The following LAMA5 variants were observed in gnomAD, a reference collection of about 807,000 sequenced individuals.
The protein encoded by LAMA5 is laminin subunit alpha 5, also known as laminin subunit alpha-5.
LAMA5 carries 260 observed loss-of-function variants against 433.4 expected under a neutral mutation model. The observed-to-expected ratio is 0.60, with a 90% confidence interval of 0.54 to 0.66. LAMA5 has a LOEUF of 0.66. LAMA5 is among the 30% of genes least tolerant of loss of function. The pLI, the probability that LAMA5 is intolerant of heterozygous loss-of-function variation, is 0.00. For synonymous variants in LAMA5, 2,620 were observed against 2,226.6 expected (o/e 1.18, Z -4.97); for missense variants, 5,378 against 5,258.5 (o/e 1.02, Z -0.70).
At position 62,314,929 on chromosome 20, in the gene LAMA5, G is replaced by A. The variant is rs147702216; in HGVS notation, c.8066C>T (p.Thr2689Met). 74 of 1,603,702 alleles carry A rather than the reference G, an allele frequency of 4.6e-5. No individual in the cohort carries two copies. In the African/African-American group the frequency reaches 6.5e-4, roughly 14 times the overall value. Residue 2689 changes from threonine to methionine, a missense_variant, in exon 60 of 80, where the codon ACG (threonine) becomes ATG (methionine). Physicochemically the swap from Thr to Met is moderately conservative, Grantham distance 81. Transcript: ENST00000252999. ...AGHSVSTLEK[T>M]LPQLLAKLSI... ...CAGCTTGGCCAGCAGCTGGGGCAGC[G>A]TCTTCTCCAGGGTGGACACTGCAGA...
chr20:62,319,015 T>C lies in LAMA5; in HGVS notation c.6872-2A>G. The C allele has an allele frequency of 6.4e-7, 1 of 1,570,736 alleles. No individual in the cohort carries two copies. The highest frequency in any genetic ancestry group is 8.6e-7 in the Non-Finnish European group (1 of 1,160,508). The stretch of plus-strand genomic sequence containing the variant: ...GGTGGCCCGTCTGGGACATGAGCTC[T>C]GTGGGGCAGGGGTTCGTCAGAGCCT... On this transcript the variant is annotated splice_acceptor_variant, in intron 51 of 79. Transcript: ENST00000252999. LOFTEE classifies it high-confidence loss of function.
chr20:62,335,072 A>G lies in LAMA5; in HGVS notation c.2431T>C (p.Cys811Arg), dbSNP rs1981317805. The G allele has an allele frequency of 6.2e-7, 1 of 1,612,900 alleles. No individual in the cohort carries two copies. Among genetic ancestry groups the G allele is most frequent in the Non-Finnish European group, 8.5e-7 (1 of 1,179,714 alleles). Residue 811 changes from cysteine (C) to arginine (R), a missense_variant, in exon 20 of 80, where the codon TGC becomes CGC. Transcript: ENST00000252999. The stretch of plus-strand genomic sequence containing the variant: ...TCCAGTCCAAAGAAGCCATCCTTGC[A>G]GGACGCGCAGGCCTGGCCGCACACG... ...PHVCGQACAS[C>R]KDGFFGLDQA...
chr20:62,318,631 C>T lies in LAMA5; in HGVS notation c.7062G>A (p.Glu2354=). Residue 2354 remains glutamate, a synonymous_variant, in exon 53 of 80, where the codon GAG becomes GAA. Transcript: ENST00000252999. ...TCTCCTCCCAGAGGCTGCTCAGCTG[C>T]TCCTGCACCCGGGCCAGCACTAGCC... The part of the protein sequence containing the change: ...AAQRLLARVQ[E]QLSSLWEENQ... The T allele has an allele frequency of 1.2e-6, 2 of 1,610,476 alleles. No individual in the cohort carries two copies. The highest frequency in any genetic ancestry group is 1.7e-6 in the Non-Finnish European group (2 of 1,178,954).
chr20:62,336,495 C>A (rs774601144), intron 17 of LAMA5, 50 bp from the exon 18 acceptor site: 2 of 1,494,714 alleles, frequency 1.3e-6, no homozygotes, highest in Admixed American at 3.5e-5. Context: ...GCTCTCCCAC[C>A]CACAAACCAT....
Position 62,310,409 on chromosome 20 carries a change from A to T in LAMA5, c.10600+10T>A. 1 of 1,592,590 alleles carries T rather than the reference A, an allele frequency of 6.3e-7. No individual in the cohort carries two copies. Among genetic ancestry groups the T allele is most frequent in the Non-Finnish European group, 8.5e-7 (1 of 1,172,136 alleles). ...CCCTGCTGAGGCCTGGGATGCCAGCACCCACAGACCTAAAGTGATAACTCC... is the reference window on the plus strand; with the variant it reads ...CCCTGCTGAGGCCTGGGATGCCAGCTCCCACAGACCTAAAGTGATAACTCC... On this transcript the variant is annotated intron_variant, in intron 76 of 79. Coordinates refer to ENST00000252999, the MANE Select transcript of LAMA5 (RefSeq NM_005560.6).
Position 62,313,685 on chromosome 20 carries a change from G to A in LAMA5, c.8622C>T (p.Phe2874=), listed in dbSNP as rs141347564. Residue 2874 remains phenylalanine, a synonymous_variant, in exon 63 of 80, where the codon TTC becomes TTT. Transcript: ENST00000252999. ...EGLLNLRPDD[F]VFYVGGYPST... ...TGGGGTACCCCCCGACGTAGAAGACGAAGTCGTCTGGCCGCAGGTTGAGCA... is the reference window on the plus strand; with the variant it reads ...TGGGGTACCCCCCGACGTAGAAGACAAAGTCGTCTGGCCGCAGGTTGAGCA... The A allele has an allele frequency of 3.6e-4, 586 of 1,612,822 alleles. 1 individual carries two copies. The highest frequency in any genetic ancestry group is 4.6e-4 in the Non-Finnish European group (541 of 1,179,958).
chr20:62,318,927 C>G lies in LAMA5; in HGVS notation c.6958G>C (p.Glu2320Gln). 1 of 1,600,944 alleles carries G rather than the reference C, an allele frequency of 6.2e-7. No homozygotes were observed. Among genetic ancestry groups the G allele is most frequent in the Non-Finnish European group, 8.5e-7 (1 of 1,176,130 alleles). The stretch of plus-strand genomic sequence containing the variant: ...GCCCGCATCTCCCAGAGCAGCCGCT[C>G]CACCTCGGCCAGTGTCCGGAGCAGC... ...EQLLRTLAEV[E>Q]RLLWEMRARD... is the part of the protein sequence containing the mutation. Residue 2320 changes from glutamate (E) to glutamine (Q), a missense_variant, in exon 52 of 80, where the codon GAG becomes CAG. Transcript: ENST00000252999.
chr20:62,367,168 C>A lies in LAMA5; in HGVS notation c.78G>T (p.Gly26=). The A allele has an allele frequency of 8.0e-7, 1 of 1,249,840 alleles. No homozygotes were observed. Among genetic ancestry groups the A allele is most frequent in the Non-Finnish European group, 1.0e-6 (1 of 1,000,696 alleles). The allele number at this position is 1,249,840 out of a possible 1,614,324, so 77.4% of individuals were successfully genotyped here. ...CCCGCGCCGCGCCCAGCAGCGCCAG[C>A]CCGACCAGCAGCAGCGGCGCGGGGC... ...PRGPAPLLLV[G]LALLGAARAR... Residue 26 remains glycine (G), a synonymous_variant, in exon 1 of 80, where the codon GGG becomes GGT. Transcript: ENST00000252999.
At chr20:62,365,900 T>G in intron 1 of LAMA5, among the ~76,000 whole-genome samples, 1 of 150,464 alleles carries the variant, frequency 6.6e-6, no homozygotes. Flanking sequence ...GCCAAGGGGG[T>G]GGGGCAGGCA....
Position 62,322,080 on chromosome 20 carries a change from G to C in LAMA5, c.6435C>G (p.Cys2145Trp). 1.9e-6 allele frequency: 3 copies of C among 1,601,132 alleles called. No individual in the cohort carries two copies. Among genetic ancestry groups the C allele is most frequent in the Non-Finnish European group, 2.5e-6 (3 of 1,179,302 alleles). The change falls in exon 48 of 80, where the codon TGC becomes TGG. Residue 2145 changes from cysteine to tryptophan, a missense_variant. By Grantham distance (215) the Cys-to-Trp change is radical (BLOSUM62 -2). Coordinates refer to ENST00000252999, the MANE Select transcript of LAMA5 (RefSeq NM_005560.6). ...GAACAGGCACCTGATGCTGCTGGCT[G>C]CAGGTGTCGCAGCGCTCCCCGCTGA... Reference protein sequence around the residue: ...PGLSGERCDTCSQQHQVPVPG... With the variant: ...PGLSGERCDTWSQQHQVPVPG...
intron 17 of LAMA5, 51 bp downstream of exon 17, chr20:62,336,683 C>A (rs759908675): frequency 4.4e-6 from 7 of 1,603,780 alleles, no homozygotes; most frequent in Non-Finnish European, 5.1e-6. Context: ...GGACTTTTAG[C>A]TTGGCCTGGG....
chr20:62,330,969 C>A, intron 29 of LAMA5, 25 bp from the exon 30 acceptor site: 1 of 1,556,678 alleles, frequency 6.4e-7, no homozygotes, highest in South Asian at 1.2e-5. Flanking sequence ...GTGGGTGAGT[C>A]AGAGCCGGCC....
intron 2 of LAMA5, chr20:62,355,461 AC>A (rs1985047506): frequency 6.6e-6 from 1 of 152,482 alleles, no homozygotes; most frequent in Admixed American, 6.5e-5. Flanking sequence ...CCTTGGGGGC[AC>A]CAGCTGCCCA....
chr20:62,322,226 T>TC, intron 47 of LAMA5, 43 bp downstream of exon 47: 3 of 1,561,778 alleles, frequency 1.9e-6, no homozygotes, highest in Middle Eastern at 3.4e-4. Context: ...CGTACCCCAC[T>TC]CAGAAGTCCC....
At chr20:62,357,292 C>T (rs911018474) in intron 2 of LAMA5, among the ~76,000 whole-genome samples, 4 of 152,192 alleles carry the variant, frequency 2.6e-5, no homozygotes, top group African/African-American at 9.7e-5. Flanking sequence ...GGAAGAAGGG[C>T]GTTGTGCCAA....
rs1986802407 is a variant in LAMA5, at chr20:62,315,114, T to C, written c.7961A>G (p.Gln2654Arg). ...TRVQSQLQAM[Q>R]ENVERWQGQY... The stretch of plus-strand genomic sequence containing the variant: ...GCCCTGCCACCGCTCCACATTCTCC[T>C]GCATGGCCTGCAGCTGGGACTGCAC... Residue 2654 changes from glutamine (Q) to arginine (R), a missense_variant, in exon 59 of 80, where the codon CAG becomes CGG. By Grantham distance (43) the Gln-to-Arg change is conservative. Transcript: ENST00000252999. The C allele has an allele frequency of 3.7e-6, 6 of 1,608,280 alleles. No individual in the cohort carries two copies. The highest frequency in any genetic ancestry group is 5.1e-6 in the Non-Finnish European group (6 of 1,179,720).
chr20:62,361,360 C>A (rs2082345211), intron 2 of LAMA5, among the ~76,000 whole-genome samples: 1 of 151,738 alleles, frequency 6.6e-6, no homozygotes, highest in African/African-American at 2.4e-5. Context: ...TTCAGGAACC[C>A]CTGGAAATTC....
intron 57 of LAMA5, chr20:62,316,308 T>C (rs540211375): frequency 3.5e-6 from 2 of 568,854 alleles, no homozygotes; most frequent in Admixed American, 3.2e-5. Flanking sequence ...CAATAGAGGC[T>C]CAGAAGAGAC....
In LAMA5 at chr20:62,333,913, T is replaced by C. The variant is rs13042941; in HGVS notation, c.2866A>G (p.Thr956Ala). 1,416,915 of 1,596,564 alleles carry C rather than the reference T, an allele frequency of 0.89. 639,670 individuals are homozygous for C. The highest frequency in any genetic ancestry group is 0.95 in the East Asian group (41,979 of 44,148). The stretch of plus-strand genomic sequence containing the variant: ...GGACCCCACTCACAGTTGGCGCAGG[T>C]GGCCGACCTGCCCTCCTCTCGCACA... ...VSVREEGRSA[T>A]CANCTAQSQP... Residue 956 changes from threonine (T) to alanine (A), a missense_variant, in exon 23 of 80, where the codon ACC becomes GCC. Transcript: ENST00000252999.
Sources: allele counts gnomAD v4.1 joint callset (sites outside exome capture counted in the v4.1 genomes callset), GRCh38; gene constraint gnomAD v4.1.1; transcripts MANE v1.5; gene names NCBI Gene and HGNC (gene_info 2026-07-23, HGNC 2026-07-21).